The following NSD1 variants were observed in gnomAD, a reference collection of about 807,000 sequenced individuals.
NSD1 encodes histone-lysine N-methyltransferase, H3 lysine-36 specific.
NSD1 carries 26 observed loss-of-function variants against 242.7 expected under a neutral mutation model. The ratio of observed to expected loss-of-function variants is 0.11; its 90% confidence interval spans 0.08 to 0.15. The LOEUF (loss-of-function observed/expected upper bound fraction) is 0.15, where lower values mean the gene tolerates loss of function less well. NSD1 is among the 10% of genes least tolerant of loss of function. NSD1 has a pLI of 1.00. For synonymous variants in NSD1, 1,106 were observed against 1,178.1 expected, an observed-to-expected ratio of 0.94 and a Z score of 1.25; for missense variants, 2,495 against 3,272.8, an observed-to-expected ratio of 0.76 and a Z score of 5.80.
At chr5:177,204,919 G>T (rs1382655447) in intron 4 of NSD1, among the ~76,000 whole-genome samples, 2 of 152,110 alleles carry the variant, frequency 1.3e-5, no homozygotes, top group Non-Finnish European at 2.9e-5. Flanking sequence ...GACATAGCGT[G>T]ACCATTCTTT....
intron 5 of NSD1, among the ~76,000 whole-genome samples, chr5:177,225,741 T>G (rs763162494): frequency 3.5e-4 from 53 of 152,224 alleles, no homozygotes; most frequent in Non-Finnish European, 5.0e-4. Context: ...TTTCGTTCAT[T>G]ATATTTCAAA....
At chr5:177,225,858 G>A (rs193178707) in intron 5 of NSD1, among the ~76,000 whole-genome samples, 15 of 152,178 alleles carry the variant, frequency 9.9e-5, no homozygotes, top group Admixed American at 6.5e-4. Context: ...TCCCAACCCT[G>A]TACCTCAGTG....
intron 2 of NSD1, among the ~76,000 whole-genome samples, chr5:177,164,891 C>T (rs955883417): frequency 7.3e-5 from 11 of 151,070 alleles, no homozygotes; most frequent in Non-Finnish European, 1.6e-4. Flanking sequence ...TACAGTGAGC[C>T]GAGATCCTGC....
At position 177,200,735 on chromosome 5, in the gene NSD1, TTCTCTC is replaced by T. The variant is rs538510483; in HGVS notation, c.1064-3378_1064-3373del. On this transcript the variant is annotated intron_variant, in intron 3 of 22. Transcript: ENST00000439151. ...TGCTATAGTATGTTTCTGAATTTCT[TTCTCTC>T]TCTCTCAATTTTTTTAAAGGCTACA... is the stretch of plus-strand genomic sequence containing the variant. Among the ~76,000 whole-genome samples, 6 of 152,246 alleles carry T rather than the reference TTCTCTC, an allele frequency of 3.9e-5. No individual in the cohort carries two copies. In the East Asian group the frequency reaches 9.6e-4, roughly 24 times the overall value.
chr5:177,280,951 T>TA, intron 18 of NSD1, 117 bp downstream of exon 18: 2 of 1,156,112 alleles, frequency 1.7e-6, no homozygotes, highest in Admixed American at 4.3e-5. Context: ...TAATTAACCT[T>TA]ATTGTTGTGT....
chr5:177,152,319 G>GTATGTATGTA (rs1299439857), intron 2 of NSD1, among the ~76,000 whole-genome samples: 2 of 128,128 alleles, frequency 1.6e-5, no homozygotes, highest in Non-Finnish European at 3.5e-5. Flanking sequence ...TTGTGTGTGT[G>GTATGTATGTA]TGTATGTATG....
intron 2 of NSD1, among the ~76,000 whole-genome samples, chr5:177,166,709 C>T (rs1248192040): frequency 6.9e-6 from 1 of 145,814 alleles, no homozygotes; most frequent in Non-Finnish European, 1.5e-5. Flanking sequence ...AGTTTTAGCT[C>T]TTATATTTAG....
At chr5:177,174,959 C>G (rs1760065313) in intron 2 of NSD1, among the ~76,000 whole-genome samples, 1 of 148,042 alleles carries the variant, frequency 6.8e-6, no homozygotes, top group Non-Finnish European at 1.5e-5. Flanking sequence ...GCAAGCTCTG[C>G]CTCCTGGGTT....
intron 2 of NSD1, among the ~76,000 whole-genome samples, chr5:177,166,558 G>GT (rs1759216601): frequency 6.6e-6 from 1 of 150,890 alleles, no homozygotes; most frequent in Non-Finnish European, 1.5e-5. Context: ...AAAAAAAAAA[G>GT]TTTTAGTTTT....
intron 2 of NSD1, among the ~76,000 whole-genome samples, chr5:177,184,527 T>G (rs1179648091): frequency 1.3e-5 from 2 of 152,150 alleles, no homozygotes; most frequent in Non-Finnish European, 2.9e-5. Flanking sequence ...GTTACTTGTT[T>G]TGGGTTTTTT....
chr5:177,185,562 C>T (rs1258734902), intron 2 of NSD1, among the ~76,000 whole-genome samples: 1 of 149,236 alleles, frequency 6.7e-6, no homozygotes, highest in Non-Finnish European at 1.5e-5. Flanking sequence ...TGTGCCATTG[C>T]ACTCCAGCCT....
intron 2 of NSD1, among the ~76,000 whole-genome samples, chr5:177,153,451 T>C (rs1396124446): frequency 6.6e-6 from 1 of 152,136 alleles, no homozygotes; most frequent in Admixed American, 6.6e-5. Context: ...ACAGTTTTAT[T>C]GATGAAAATG....
chr5:177,265,283 A>G (rs977981684), intron 14 of NSD1: 1 of 683,208 alleles, frequency 1.5e-6, no homozygotes, highest in Non-Finnish European at 2.6e-6. Context: ...CTGTTAAAAA[A>G]AAAAAGCAAA....
At chr5:177,152,325 GTATGTATGTATGTA>G (rs1757786435) in intron 2 of NSD1, among the ~76,000 whole-genome samples, 4 of 142,478 alleles carry the variant, frequency 2.8e-5, no homozygotes, top group Middle Eastern at 3.5e-3. Flanking sequence ...GTGTGTGTAT[GTATGTATGTATGTA>G]TGTATGTATG....
intron 19 of NSD1, among the ~76,000 whole-genome samples, chr5:177,282,851 A>G (rs909840822): frequency 6.6e-6 from 1 of 152,212 alleles, no homozygotes; most frequent in Non-Finnish European, 1.5e-5. Context: ...CTACAGGATT[A>G]CAAGTTTGAA....
intron 8 of NSD1, among the ~76,000 whole-genome samples, chr5:177,241,498 C>G (rs953401622): frequency 1.3e-5 from 2 of 151,460 alleles, no homozygotes; most frequent in South Asian, 2.1e-4. Context: ...GAGCGAGACT[C>G]TCTCTCTCTC....
chr5:177,292,263 T>C (rs142096384), intron 22 of NSD1, 105 bp downstream of exon 22: 158 of 1,112,638 alleles, frequency 1.4e-4, no homozygotes, highest in Admixed American at 3.9e-4. Context: ...GGTCTTTCCA[T>C]GCATAATTTT....
intron 5 of NSD1, among the ~76,000 whole-genome samples, chr5:177,230,236 T>G (rs1764953573): frequency 6.6e-6 from 1 of 152,160 alleles, no homozygotes; most frequent in African/African-American, 2.4e-5. Flanking sequence ...ATTCTCGTGC[T>G]TCAGCCTCAG....
At position 177,257,973 on chromosome 5, in the gene NSD1, CT is replaced by C. The variant is rs35034666; in HGVS notation, c.4966+846del. Among the ~76,000 whole-genome samples, 256 of 52,536 alleles carry C rather than the reference CT, an allele frequency of 4.9e-3. 1 individual carries two copies. The highest frequency in any genetic ancestry group is 9.0e-3 in the African/African-American group (113 of 12,514). 34.5% of individuals were successfully genotyped at this position (52,536 alleles called of 152,430 possible). A position where few individuals can be genotyped will look rare whatever the true frequency, so the allele number is the denominator to read the frequency against. On this transcript the variant is annotated intron_variant, in intron 13 of 22. Transcript: ENST00000439151. ...GCCACCACGCGTGGCCCCCCTGGGC[CT>C]TTTTTTTTTTTTTTTTTTTTTTTGA...
Sources: gnomAD v4.1 joint callset for allele counts (sites outside exome capture counted in the v4.1 genomes callset) on GRCh38, gnomAD v4.1.1 for gene constraint, MANE v1.5 for transcripts, NCBI Gene and HGNC (gene_info 2026-07-23, HGNC 2026-07-21) for gene names.